The following PPFIA2 variants were observed in gnomAD, a reference collection of about 807,000 sequenced individuals.
PPFIA2 encodes liprin-alpha-2.
Under a neutral mutation model 175.5 loss-of-function variants are expected in PPFIA2, and 46 were observed. That is an observed-to-expected ratio of 0.26 (90% CI 0.21 to 0.34). PPFIA2 has a LOEUF of 0.34. Ranked by LOEUF, PPFIA2 falls within the 10% of genes least tolerant of loss-of-function variation. The pLI, the probability that PPFIA2 is intolerant of heterozygous loss-of-function variation, is 1.00. For synonymous variants in PPFIA2, 568 were observed against 511.4 expected (o/e 1.11, Z -1.49); for missense variants, 1,179 against 1,506.1 (o/e 0.78, Z 3.60).
chr12:81,701,790 A>G (rs2076505885), intron 3 of PPFIA2, among the ~76,000 whole-genome samples: 1 of 152,024 alleles, frequency 6.6e-6, no homozygotes, highest in African/African-American at 2.4e-5. Flanking sequence ...AAAACTATAC[A>G]AATAAAGCTT....
intron 4 of PPFIA2, among the ~76,000 whole-genome samples, chr12:81,582,130 C>T (rs941528040): frequency 5.9e-5 from 9 of 151,942 alleles, no homozygotes; most frequent in South Asian, 4.1e-4. Flanking sequence ...TACTCCAATA[C>T]TTATTGATTC....
At chr12:81,281,007 T>C (rs1386003321) in intron 27 of PPFIA2, among the ~76,000 whole-genome samples, 3 of 152,080 alleles carry the variant, frequency 2.0e-5, no homozygotes, top group Admixed American at 1.3e-4. Flanking sequence ...AGATGTATGC[T>C]CTATGAGGAG....
intron 4 of PPFIA2, among the ~76,000 whole-genome samples, chr12:81,633,503 G>T (rs967259169): frequency 6.6e-5 from 10 of 151,674 alleles, no homozygotes; most frequent in Non-Finnish European, 1.2e-4. Context: ...ACCCAGGCAA[G>T]ACAACTGCAC....
intron 4 of PPFIA2, among the ~76,000 whole-genome samples, chr12:81,647,747 C>A (rs2066357756): frequency 7.3e-6 from 1 of 136,486 alleles, no homozygotes. Context: ...GTCAACAGAG[C>A]AAGACTCTGT....
At chr12:81,542,766 T>C (rs904124756) in intron 4 of PPFIA2, among the ~76,000 whole-genome samples, 7 of 152,106 alleles carry the variant, frequency 4.6e-5, no homozygotes, top group Admixed American at 1.3e-4. Flanking sequence ...TAGCCAGGAA[T>C]GTCTTTTTCA....
At chr12:81,698,598 A>T (rs912519648) in intron 3 of PPFIA2, among the ~76,000 whole-genome samples, 1 of 152,182 alleles carries the variant, frequency 6.6e-6, no homozygotes, top group Non-Finnish European at 1.5e-5. Context: ...AACATGAAGA[A>T]TTAGAAGTGT....
chr12:81,486,989 A>T (rs1188678514), intron 4 of PPFIA2, among the ~76,000 whole-genome samples: 1 of 151,984 alleles, frequency 6.6e-6, no homozygotes, highest in South Asian at 2.1e-4. Flanking sequence ...TTTTAAAAAT[A>T]CATTAATCCC....
intron 4 of PPFIA2, among the ~76,000 whole-genome samples, chr12:81,502,591 A>T (rs2060699823): frequency 6.6e-6 from 1 of 152,060 alleles, no homozygotes; most frequent in Non-Finnish European, 1.5e-5. Flanking sequence ...TCTGCCTAAT[A>T]CTCTTCATTG....
At chr12:81,418,800 C>A (rs942882410) in intron 7 of PPFIA2, among the ~76,000 whole-genome samples, 1 of 151,912 alleles carries the variant, frequency 6.6e-6, no homozygotes, top group Admixed American at 6.6e-5. Context: ...ATTTCCTTCA[C>A]ATAAGTACAA....
intron 3 of PPFIA2, among the ~76,000 whole-genome samples, chr12:81,735,415 A>G (rs2081448169): frequency 6.6e-6 from 1 of 151,802 alleles, no homozygotes; most frequent in Admixed American, 6.6e-5. Flanking sequence ...TGTCTATGCA[A>G]ATTGTTTACC....
chr12:81,311,810 A>G (rs143561318), intron 22 of PPFIA2, among the ~76,000 whole-genome samples: 1 of 151,920 alleles, frequency 6.6e-6, no homozygotes, highest in African/African-American at 2.4e-5. Context: ...AATCAATAGT[A>G]CCTGAGTGGT....
rs192036831 is a variant in PPFIA2, at chr12:81,434,214, A to G, written c.645+5758T>C. Among the ~76,000 whole-genome samples the G allele has an allele frequency of 4.7e-4, 71 of 152,252 alleles. 1 individual carries two copies. The highest frequency in any genetic ancestry group is 7.9e-4 in the Admixed American group (12 of 15,286). On this transcript the variant is annotated intron_variant, in intron 7 of 32. Transcript: ENST00000549396. ...ATTTTCGATGGTATGTTACAAGTCT[A>G]TGTAACATATATCACTATATTGTTA... is the stretch of plus-strand genomic sequence containing the variant.
chr12:81,501,080 G>A (rs1213959388), intron 4 of PPFIA2, among the ~76,000 whole-genome samples: 1 of 152,128 alleles, frequency 6.6e-6, no homozygotes, highest in Non-Finnish European at 1.5e-5. Context: ...AGTGGCTTCC[G>A]ACCTCACTCA....
rs151091497 is a variant in PPFIA2, at chr12:81,298,991, C to T, written c.2724+310G>A. 2.5e-3 allele frequency among the ~76,000 whole-genome samples: 386 copies of T among 152,204 alleles called. 7 individuals are homozygous for T. The highest frequency in any genetic ancestry group is 9.0e-3 in the African/African-American group (373 of 41,536). On this transcript the variant is annotated intron_variant, in intron 23 of 32. Transcript: ENST00000549396. ...TGTAACCTGCTAATGAGGAAGGGCC[C>T]TGGCCTAATGGATGGGAATGGATGT...
intron 14 of PPFIA2, among the ~76,000 whole-genome samples, chr12:81,363,122 T>C (rs1039407233): frequency 2.0e-5 from 3 of 151,526 alleles, no homozygotes; most frequent in African/African-American, 7.3e-5. Context: ...AAATGTCTTA[T>C]TTATGCAGTA....
chr12:81,647,762 AAT>A (rs34245057), intron 4 of PPFIA2, among the ~76,000 whole-genome samples: 60,369 of 136,318 alleles, frequency 0.44, 15,348 homozygotes, highest in African/African-American at 0.69. Context: ...CTCTGTCTCA[AAT>A]ATATATATAT....
At chr12:81,734,940 G>A (rs966657735) in intron 3 of PPFIA2, among the ~76,000 whole-genome samples, 9 of 151,612 alleles carry the variant, frequency 5.9e-5, no homozygotes, top group Admixed American at 2.0e-4. Context: ...CTTTTATGAT[G>A]GGCTTCCTTC....
At chr12:81,451,961 A>G (rs998701582) in intron 5 of PPFIA2, among the ~76,000 whole-genome samples, 2 of 152,222 alleles carry the variant, frequency 1.3e-5, no homozygotes, top group African/African-American at 4.8e-5. Flanking sequence ...TAATTCTCAC[A>G]GAAAGTACAA....
chr12:81,314,047 GT>G (rs1463384262), intron 22 of PPFIA2, among the ~76,000 whole-genome samples: 1 of 151,734 alleles, frequency 6.6e-6, no homozygotes, highest in Non-Finnish European at 1.5e-5. Flanking sequence ...ATTTCTCATA[GT>G]TTTTATGAGC....
Sources: gnomAD v4.1 joint callset for allele counts (sites outside exome capture counted in the v4.1 genomes callset) on GRCh38, gnomAD v4.1.1 for gene constraint, MANE v1.5 for transcripts, NCBI Gene and HGNC (gene_info 2026-07-23, HGNC 2026-07-21) for gene names.